SETD3: variants seen among roughly 807,000 people sequenced by gnomAD.
SETD3 encodes the protein SET domain containing 3, actin N3(tau)-histidine methyltransferase.
In SETD3, 19 loss-of-function variants were observed where a neutral mutation model predicts 63.0. The ratio of observed to expected loss-of-function variants is 0.30; its 90% CI spans 0.21 to 0.44. The LOEUF (loss-of-function observed/expected upper bound fraction) is 0.44, where lower values mean the gene tolerates loss of function less well. SETD3 is among the 20% of genes least tolerant of loss of function. The probability of loss-of-function intolerance (pLI) is 1.00; values close to 1 mark genes in which losing one functional copy is unlikely to be tolerated. For missense variants in SETD3, 587 were observed against 728.5 expected (o/e 0.81, Z 2.24); for synonymous variants, 286 against 264.1 (o/e 1.08, Z -0.80).
Position 99,427,665 on chromosome 14 carries a change from C to T in SETD3, c.676-13731G>A, listed in dbSNP as rs192292715. On this transcript the variant is annotated intron_variant, in intron 6 of 12. Transcript: ENST00000331768. The stretch of plus-strand genomic sequence containing the variant: ...ATCTTAAAGCTTCCCAGCAAAGCTT[C>T]GTCCGTCAACTCCCCAAACCTGCAC... Among the ~76,000 whole-genome samples the T allele has an allele frequency of 3.3e-5, 5 of 152,316 alleles. No individual in the cohort carries two copies. In the East Asian group the frequency reaches 7.7e-4, roughly 23 times the overall value.
At chr14:99,476,836 A>G (rs1194284240) in intron 1 of SETD3, among the ~76,000 whole-genome samples, 2 of 152,194 alleles carry the variant, frequency 1.3e-5, no homozygotes, top group African/African-American at 4.8e-5. Flanking sequence ...ACAGTAATAA[A>G]CCTAAGTGTA....
chr14:99,442,378 G>C (rs532681344), intron 6 of SETD3, among the ~76,000 whole-genome samples: 1 of 152,190 alleles, frequency 6.6e-6, no homozygotes, highest in East Asian at 1.9e-4. Flanking sequence ...GAGAATGAAG[G>C]AAAGTCCTTG....
chr14:99,422,640 T>G (rs971434295), intron 6 of SETD3, among the ~76,000 whole-genome samples: 1 of 152,176 alleles, frequency 6.6e-6, no homozygotes, highest in African/African-American at 2.4e-5. Context: ...ACTGCCACAA[T>G]TGACTGAGCC....
chr14:99,408,275 T>C (rs1891793146), intron 8 of SETD3, among the ~76,000 whole-genome samples: 1 of 152,224 alleles, frequency 6.6e-6, no homozygotes, highest in African/African-American at 2.4e-5. Flanking sequence ...GTGATAAATA[T>C]GCAGCAATGA....
At chr14:99,444,903 GT>G (rs1274989231) in intron 6 of SETD3, among the ~76,000 whole-genome samples, 1 of 151,674 alleles carries the variant, frequency 6.6e-6, no homozygotes, top group Non-Finnish European at 1.5e-5. Context: ...TAAAGAAAAT[GT>G]TTTTAACCAT....
chr14:99,420,393 C>CA (rs772971681), intron 6 of SETD3, among the ~76,000 whole-genome samples: 18 of 152,192 alleles, frequency 1.2e-4, no homozygotes, highest in Admixed American at 3.9e-4. Context: ...TGGAATGGGA[C>CA]AAAAAAATCT....
At chr14:99,433,418 A>G (rs749700175) in intron 6 of SETD3, among the ~76,000 whole-genome samples, 4 of 152,072 alleles carry the variant, frequency 2.6e-5, no homozygotes, top group Non-Finnish European at 5.9e-5. Flanking sequence ...AGGTATCTTG[A>G]GTTAAAAAAT....
chr14:99,478,126 A>G (rs1896067983), intron 1 of SETD3, among the ~76,000 whole-genome samples: 1 of 152,250 alleles, frequency 6.6e-6, no homozygotes, highest in African/African-American at 2.4e-5. Flanking sequence ...ACTGATAAAA[A>G]AAGGGCCCAA....
intron 6 of SETD3, chr14:99,444,441 T>C (rs1894013956): frequency 6.6e-6 from 1 of 152,148 alleles, no homozygotes; most frequent in African/African-American, 2.4e-5. Flanking sequence ...ATGGCCATAG[T>C]TAACATTAAC....
At chr14:99,411,822 C>A (rs974863137) in intron 8 of SETD3, 1 of 152,124 alleles carries the variant, frequency 6.6e-6, no homozygotes, top group Non-Finnish European at 1.5e-5. Flanking sequence ...ATTAAATTAA[C>A]CATATCTAAA....
intron 12 of SETD3, among the ~76,000 whole-genome samples, chr14:99,399,565 T>C (rs1233487334): frequency 1.3e-5 from 2 of 152,118 alleles, no homozygotes; most frequent in Non-Finnish European, 2.9e-5. Flanking sequence ...TGAAAACATG[T>C]TTGTGAAATC....
chr14:99,485,130 T>C (rs534096283), upstream of SETD3, among the ~76,000 whole-genome samples: 428 of 152,378 alleles, frequency 2.8e-3, 2 homozygotes, highest in African/African-American at 9.6e-3. Flanking sequence ...GTCTCTATTC[T>C]GTTTATGTCC....
chr14:99,406,790 G>GT (rs1168548893), intron 8 of SETD3, among the ~76,000 whole-genome samples, 200 bp from the exon 9 acceptor site: 1 of 152,176 alleles, frequency 6.6e-6, no homozygotes, highest in Non-Finnish European at 1.5e-5. Flanking sequence ...GATGATTATG[G>GT]AAAATTACAT....
chr14:99,481,425 G>T (rs994818723), upstream of SETD3: 1 of 398,540 alleles, frequency 2.5e-6, no homozygotes, highest in African/African-American at 2.1e-5. Flanking sequence ...CCATATACAA[G>T]ATGGCCGCAG....
chr14:99,475,490 C>G (rs973426074), intron 1 of SETD3, among the ~76,000 whole-genome samples: 23 of 152,266 alleles, frequency 1.5e-4, no homozygotes, highest in Non-Finnish European at 2.6e-4. Context: ...AAGGCAATCT[C>G]CTGCTTTGTG....
upstream of SETD3, chr14:99,481,464 T>C (rs1896315003): frequency 2.5e-6 from 1 of 398,640 alleles, no homozygotes; most frequent in South Asian, 1.3e-4. Flanking sequence ...GCTGAGGGGC[T>C]TGCCTGAAGC....
At chr14:99,432,570 T>C (rs1893242293) in intron 6 of SETD3, among the ~76,000 whole-genome samples, 1 of 152,260 alleles carries the variant, frequency 6.6e-6, no homozygotes, top group South Asian at 2.1e-4. Flanking sequence ...AGCTTTGTTC[T>C]AAACAAAAGT....
intron 3 of SETD3, among the ~76,000 whole-genome samples, chr14:99,462,512 C>T (rs1248658150): frequency 1.3e-5 from 2 of 152,168 alleles, no homozygotes; most frequent in Non-Finnish European, 2.9e-5. Flanking sequence ...TATTCAAAGA[C>T]GGAACTTCCT....
intron 6 of SETD3, among the ~76,000 whole-genome samples, chr14:99,431,471 A>G (rs1028093897): frequency 3.9e-5 from 6 of 152,162 alleles, no homozygotes; most frequent in Non-Finnish European, 8.8e-5. Flanking sequence ...GTGGCCTAAA[A>G]TAGCAACATG....
Sources: gnomAD v4.1 joint callset for allele counts (sites outside exome capture counted in the v4.1 genomes callset) on GRCh38, gnomAD v4.1.1 for gene constraint, MANE v1.5 for transcripts, NCBI Gene and HGNC (gene_info 2026-07-23, HGNC 2026-07-21) for gene names.